The following GLIS3 variants were observed in gnomAD, a reference collection of about 807,000 sequenced individuals.
GLIS3 encodes the protein GLIS family zinc finger 3, also known as zinc finger protein GLIS3.
Under a neutral mutation model 78.6 loss-of-function variants are expected in GLIS3, and 53 were observed. The observed-to-expected ratio is 0.67, with a 90% confidence interval of 0.54 to 0.85. GLIS3 has a LOEUF of 0.85. Ranked by LOEUF, GLIS3 falls within the 40% of genes least tolerant of loss-of-function variation. The pLI, the probability that GLIS3 is intolerant of heterozygous loss-of-function variation, is 0.00. For missense variants in GLIS3, 1,703 were observed against 1,231.1 expected, an observed-to-expected ratio of 1.38 and a Z score of -5.74; for synonymous variants, 684 against 509.9, an observed-to-expected ratio of 1.34 and a Z score of -4.60.
the GLIS3 span, among the ~76,000 whole-genome samples, chr9:4,370,416 G>C: frequency 6.6e-6 from 1 of 151,838 alleles, no homozygotes; most frequent in East Asian, 1.9e-4. Context: ...GTGTTTCTTG[G>C]GTTCTCGTTA....
intron 4 of GLIS3, among the ~76,000 whole-genome samples, chr9:4,012,806 C>CT (rs1395476358): frequency 3.1e-5 from 2 of 65,422 alleles, no homozygotes; most frequent in African/African-American, 1.2e-4. Context: ...GTGTTTTGCT[C>CT]TTATCATCCA....
the GLIS3 span, among the ~76,000 whole-genome samples, chr9:4,355,340 C>T: frequency 6.6e-6 from 1 of 152,046 alleles, no homozygotes; most frequent in Non-Finnish European, 1.5e-5. Context: ...TCCTGTAAGG[C>T]AGGGCTCATT....
chr9:3,902,348 G>C (rs1823367929), intron 6 of GLIS3, among the ~76,000 whole-genome samples: 1 of 152,178 alleles, frequency 6.6e-6, no homozygotes, highest in African/African-American at 2.4e-5. Context: ...GATCCCTTAA[G>C]GTTTTTAAAC....
chr9:3,987,038 A>G (rs1467205106), intron 4 of GLIS3, among the ~76,000 whole-genome samples: 1 of 152,276 alleles, frequency 6.6e-6, no homozygotes, highest in African/African-American at 2.4e-5. Flanking sequence ...AGGATTTTAA[A>G]GCAGCTGTCA....
At chr9:4,176,242 T>C (rs547608701) in intron 2 of GLIS3, among the ~76,000 whole-genome samples, 2 of 152,226 alleles carry the variant, frequency 1.3e-5, no homozygotes, top group East Asian at 3.9e-4. Flanking sequence ...ACACATACAA[T>C]GTAAAAAATT....
At chr9:4,183,186 C>G (rs1245407399) in intron 2 of GLIS3, among the ~76,000 whole-genome samples, 1 of 152,164 alleles carries the variant, frequency 6.6e-6, no homozygotes, top group East Asian at 1.9e-4. Flanking sequence ...TTCTGAGAAA[C>G]AGGCTGAAGC....
the GLIS3 span, among the ~76,000 whole-genome samples, chr9:4,356,661 A>C: frequency 5.9e-5 from 9 of 152,354 alleles, no homozygotes; most frequent in Middle Eastern, 6.8e-3. Context: ...AGATTTTACA[A>C]AGAGTATGTG....
At chr9:4,471,272 A>G in the GLIS3 span, among the ~76,000 whole-genome samples, 1 of 152,168 alleles carries the variant, frequency 6.6e-6, no homozygotes, top group Non-Finnish European at 1.5e-5. Context: ...GTTCATATGG[A>G]ACCAAAAAAG....
the GLIS3 span, among the ~76,000 whole-genome samples, chr9:4,374,616 C>T: frequency 6.6e-5 from 10 of 152,290 alleles, no homozygotes; most frequent in South Asian, 1.2e-3. Context: ...TGTGTGGTTC[C>T]GACAAGGCTG....
intron 8 of GLIS3, among the ~76,000 whole-genome samples, chr9:3,865,220 C>T (rs1820493526): frequency 6.6e-6 from 1 of 152,142 alleles, no homozygotes; most frequent in Non-Finnish European, 1.5e-5. Context: ...ATGAACTTTG[C>T]CTCTGGGTTT....
chr9:4,421,822 T>C, the GLIS3 span, among the ~76,000 whole-genome samples: 3 of 152,230 alleles, frequency 2.0e-5, no homozygotes, highest in Admixed American at 6.5e-5. Context: ...ATAAGTGATA[T>C]ATTCTACTGC....
At chr9:4,345,187 C>A (rs1031695873) in intron 2 of GLIS3, among the ~76,000 whole-genome samples, 1 of 152,178 alleles carries the variant, frequency 6.6e-6, no homozygotes, top group South Asian at 2.1e-4. Context: ...TGGGCCCCTG[C>A]GTTACCTCTG....
chr9:4,396,684 A>G, the GLIS3 span, among the ~76,000 whole-genome samples: 1 of 152,246 alleles, frequency 6.6e-6, no homozygotes, highest in Non-Finnish European at 1.5e-5. Context: ...AGAGGTAAGT[A>G]GCCCCTCCTT....
the GLIS3 span, among the ~76,000 whole-genome samples, chr9:4,438,407 T>C: frequency 6.6e-6 from 1 of 152,326 alleles, no homozygotes; most frequent in Middle Eastern, 3.4e-3. Flanking sequence ...CTTCATTTGT[T>C]CATGTCCCAG....
intron 2 of GLIS3, among the ~76,000 whole-genome samples, chr9:4,322,192 T>C (rs1167417074): frequency 6.6e-6 from 1 of 152,208 alleles, no homozygotes; most frequent in African/African-American, 2.4e-5. Flanking sequence ...TCCATGTCCC[T>C]ACAAAGGACA....
chr9:3,897,062 T>C (rs999647306), intron 7 of GLIS3, among the ~76,000 whole-genome samples: 2 of 151,974 alleles, frequency 1.3e-5, no homozygotes, highest in Admixed American at 6.6e-5. Context: ...CCAAGACAAA[T>C]GTGACAGTTT....
chr9:4,417,346 G>C, the GLIS3 span, among the ~76,000 whole-genome samples: 1 of 152,166 alleles, frequency 6.6e-6, no homozygotes, highest in Non-Finnish European at 1.5e-5. Flanking sequence ...ATCAAACCAT[G>C]AAAAGCAAGG....
intron 4 of GLIS3, among the ~76,000 whole-genome samples, chr9:3,992,180 A>G (rs1162256006): frequency 6.6e-6 from 1 of 152,216 alleles, no homozygotes; most frequent in African/African-American, 2.4e-5. Flanking sequence ...TTTGGAGGAC[A>G]AGGAGTAGTG....
At chr9:4,278,489 T>C (rs950819326) in intron 2 of GLIS3, among the ~76,000 whole-genome samples, 1 of 152,102 alleles carries the variant, frequency 6.6e-6, no homozygotes, top group African/African-American at 2.4e-5. Context: ...TTTGGGACAG[T>C]TTGAGCATCA....
Sources: gnomAD v4.1 joint callset for allele counts (sites outside exome capture counted in the v4.1 genomes callset) on GRCh38, gnomAD v4.1.1 for gene constraint, MANE v1.5 for transcripts, NCBI Gene and HGNC (gene_info 2026-07-23, HGNC 2026-07-21) for gene names.